The following CPQ variants were observed in gnomAD, a reference collection of about 807,000 sequenced individuals.
CPQ encodes carboxypeptidase Q.
A neutral mutation model predicts 45.7 loss-of-function variants in CPQ; 37 were observed. That is an observed-to-expected ratio of 0.81 (90% CI 0.62 to 1.07). The LOEUF (loss-of-function observed/expected upper bound fraction) is 1.07, where lower values mean the gene tolerates loss of function less well. Ranked by LOEUF, CPQ falls within the 50% of genes least tolerant of loss-of-function variation. The pLI is 0.00. For missense variants in CPQ, 537 were observed against 572.9 expected, an observed-to-expected ratio of 0.94 and a Z score of 0.64; for synonymous variants, 186 against 205.8, an observed-to-expected ratio of 0.90 and a Z score of 0.82.
chr8:97,106,554 T>C (rs548898098), intron 7 of CPQ, among the ~76,000 whole-genome samples: 5 of 152,316 alleles, frequency 3.3e-5, no homozygotes, highest in African/African-American at 1.2e-4. Context: ...TAAAATATGT[T>C]TAAGTTTAGG....
At chr8:96,684,781 C>T (rs1181955382) in intron 1 of CPQ, among the ~76,000 whole-genome samples, 1 of 152,056 alleles carries the variant, frequency 6.6e-6, no homozygotes, top group Non-Finnish European at 1.5e-5. Context: ...CGAGCAACAG[C>T]AGGTGGAGCA....
At chr8:96,685,957 A>C (rs1809221957) in intron 1 of CPQ, among the ~76,000 whole-genome samples, 1 of 152,080 alleles carries the variant, frequency 6.6e-6, no homozygotes, top group African/African-American at 2.4e-5. Context: ...TAGTTACTCT[A>C]TAATTTTGGT....
At chr8:96,963,939 A>C (rs1331460365) in intron 4 of CPQ, among the ~76,000 whole-genome samples, 1 of 151,864 alleles carries the variant, frequency 6.6e-6, no homozygotes, top group Non-Finnish European at 1.5e-5. Context: ...GGCTTCTTTC[A>C]TTCTTCATTA....
chr8:96,765,159 G>GA (rs1810451300), intron 1 of CPQ, among the ~76,000 whole-genome samples: 1 of 152,310 alleles, frequency 6.6e-6, no homozygotes, highest in East Asian at 1.9e-4. Flanking sequence ...TGGCGCAATA[G>GA]CCCAGGCAGA....
chr8:96,691,965 C>A (rs111806573), intron 1 of CPQ, among the ~76,000 whole-genome samples: 2 of 151,926 alleles, frequency 1.3e-5, no homozygotes, highest in African/African-American at 4.8e-5. Context: ...CACTGAACAC[C>A]CTGGGCATTA....
chr8:97,052,385 A>G (rs1203707611), intron 6 of CPQ, among the ~76,000 whole-genome samples: 1 of 152,122 alleles, frequency 6.6e-6, no homozygotes, highest in Admixed American at 6.5e-5. Flanking sequence ...AAACTTACAA[A>G]ATATGTGAAG....
At chr8:96,791,156 C>T (rs937663394) in intron 2 of CPQ, among the ~76,000 whole-genome samples, 3 of 152,116 alleles carry the variant, frequency 2.0e-5, no homozygotes, top group African/African-American at 4.8e-5. Flanking sequence ...TGTAATTTAC[C>T]AAGGGTTGCA....
chr8:96,835,538 C>G (rs547839767), intron 3 of CPQ, among the ~76,000 whole-genome samples: 69 of 152,244 alleles, frequency 4.5e-4, no homozygotes, highest in African/African-American at 1.6e-3. Flanking sequence ...AGGGAGCCAG[C>G]CTGTTTTCCA....
At chr8:96,928,802 G>A (rs1295405908) in intron 4 of CPQ, among the ~76,000 whole-genome samples, 1 of 152,158 alleles carries the variant, frequency 6.6e-6, no homozygotes, top group Non-Finnish European at 1.5e-5. Context: ...AGACCCTGAT[G>A]AAGGAAAATG....
At chr8:97,103,368 AG>A (rs1811350080) in intron 7 of CPQ, among the ~76,000 whole-genome samples, 1 of 152,210 alleles carries the variant, frequency 6.6e-6, no homozygotes, top group Admixed American at 6.5e-5. Context: ...TGAGGCCATG[AG>A]GGTTTGAGAT....
At chr8:96,950,717 A>C (rs1813250947) in intron 4 of CPQ, among the ~76,000 whole-genome samples, 2 of 152,152 alleles carry the variant, frequency 1.3e-5, no homozygotes. Flanking sequence ...TATGTAATTA[A>C]ATTCTAAAAT....
At chr8:97,039,206 G>C (rs9297269) in intron 6 of CPQ, among the ~76,000 whole-genome samples, 24,074 of 152,080 alleles carry the variant, frequency 0.16, 4,777 homozygotes, top group African/African-American at 0.47. Context: ...TGTACTTCCC[G>C]AGTATTTCTA....
chr8:96,820,916 A>C (rs1811294164), intron 2 of CPQ, among the ~76,000 whole-genome samples: 1 of 151,986 alleles, frequency 6.6e-6, no homozygotes, highest in Non-Finnish European at 1.5e-5. Flanking sequence ...ACTAATTTGC[A>C]TTCCCACCAA....
At chr8:97,137,800 G>A (rs965247912) in intron 7 of CPQ, among the ~76,000 whole-genome samples, 4 of 152,082 alleles carry the variant, frequency 2.6e-5, no homozygotes, top group Admixed American at 2.0e-4. Flanking sequence ...GTGGTGGCAG[G>A]CGCCTGTAGT....
In CPQ at chr8:96,789,163, T is replaced by C. The variant is rs555968759; in HGVS notation, c.433+3833T>C. ...CCCCTAAAAGACAGTTTCTACTGCC[T>C]ACTTCTTTTTTTTCATGTGTATGGG... On this transcript the variant is annotated intron_variant, in intron 2 of 7. Transcript: ENST00000220763. Among the ~76,000 whole-genome samples, 27 of 152,214 alleles carry C rather than the reference T, an allele frequency of 1.8e-4. No individual in the cohort carries two copies. The South Asian group carries it at 5.6e-3, about 32-fold the overall frequency.
chr8:97,140,180 A>G (rs1353038602), intron 7 of CPQ, among the ~76,000 whole-genome samples: 4 of 145,894 alleles, frequency 2.7e-5, no homozygotes, highest in Admixed American at 6.8e-5. Flanking sequence ...AGACAAATGT[A>G]ATTTCCATAG....
At chr8:97,080,153 T>C (rs1188820691) in intron 7 of CPQ, among the ~76,000 whole-genome samples, 2 of 152,148 alleles carry the variant, frequency 1.3e-5, no homozygotes, top group Non-Finnish European at 2.9e-5. Context: ...TTTTCTTCGA[T>C]GTTTTGCTAC....
chr8:96,975,259 T>C (rs987932275), intron 5 of CPQ, among the ~76,000 whole-genome samples: 2 of 151,870 alleles, frequency 1.3e-5, no homozygotes, highest in Non-Finnish European at 2.9e-5. Context: ...GAGATGGATA[T>C]ATTGAAAGTA....
chr8:96,702,552 C>G (rs1226790861), intron 1 of CPQ, among the ~76,000 whole-genome samples: 1 of 152,272 alleles, frequency 6.6e-6, no homozygotes. Context: ...GTGCTTACTA[C>G]CTACCAGGTG....
Sources: gnomAD v4.1 joint callset for allele counts (sites outside exome capture counted in the v4.1 genomes callset) on GRCh38, gnomAD v4.1.1 for gene constraint, MANE v1.5 for transcripts, NCBI Gene and HGNC (gene_info 2026-07-23, HGNC 2026-07-21) for gene names.